CHD9: variants seen among roughly 807,000 people sequenced by gnomAD.
CHD9 encodes the protein ATP-dependent chromatin remodeler CHD9.
CHD9 carries 77 observed loss-of-function variants against 316.1 expected under a neutral mutation model. The observed-to-expected ratio is 0.24, with a 90% CI of 0.20 to 0.29. The LOEUF (loss-of-function observed/expected upper bound fraction) is 0.29, where lower values mean the gene tolerates loss of function less well. CHD9 is among the 10% of genes least tolerant of loss of function. CHD9 has a pLI of 1.00. For synonymous variants in CHD9, 1,129 were observed against 1,158.3 expected, an observed-to-expected ratio of 0.97 and a Z score of 0.51; for missense variants, 2,763 against 3,438.1, an observed-to-expected ratio of 0.80 and a Z score of 4.91.
At chr16:53,312,225 T>C (rs2056527672) in intron 34 of CHD9, among the ~76,000 whole-genome samples, 1 of 152,208 alleles carries the variant, frequency 6.6e-6, no homozygotes, top group South Asian at 2.1e-4. Flanking sequence ...GCACTAAAGG[T>C]AAAGTAAAAG....
intron 1 of CHD9, among the ~76,000 whole-genome samples, chr16:53,146,713 C>T (rs1314607379): frequency 6.7e-6 from 1 of 150,132 alleles, no homozygotes; most frequent in East Asian, 2.0e-4. Flanking sequence ...GCACGAGAAT[C>T]TCTTGAGCCT....
chr16:53,177,256 G>A (rs917361436), intron 2 of CHD9, among the ~76,000 whole-genome samples: 6 of 152,040 alleles, frequency 3.9e-5, no homozygotes, highest in Admixed American at 2.0e-4. Context: ...GCGCCTGGCC[G>A]ACACCTTAAT....
chr16:53,145,273 T>C (rs1185345355), intron 1 of CHD9, among the ~76,000 whole-genome samples: 1 of 151,630 alleles, frequency 6.6e-6, no homozygotes, highest in Non-Finnish European at 1.5e-5. Context: ...TGACTCAGCC[T>C]CCCAAATAGC....
chr16:53,268,102 A>G lies in CHD9; in HGVS notation c.4693A>G (p.Thr1565Ala). The G allele has an allele frequency of 5.0e-6, 8 of 1,610,424 alleles. No homozygotes were observed. In the Admixed American group the frequency reaches 1.3e-4, roughly 27 times the overall value. The change falls in exon 22 of 39, where the codon ACA becomes GCA. Residue 1565 changes from threonine (T) to alanine (A), a missense_variant. Physicochemically the swap from Thr to Ala is moderately conservative, Grantham distance 58. This residue lies in a region of CHD9 where 99 missense variants were observed against 131.6 expected (regional missense o/e 0.75). Coordinates refer to ENST00000447540, the MANE Select transcript of CHD9 (RefSeq NM_001308319.2). ...CATTACTCCAACTGAAGATGGACAG[A>G]CACGAGAGCTACAGAATCATCTAGG... The part of the protein sequence containing the change: ...DLITPTEDGQ[T>A]RELQNHLGLS...
intron 32 of CHD9, among the ~76,000 whole-genome samples, chr16:53,307,186 A>G (rs971112104): frequency 2.0e-5 from 3 of 152,178 alleles, no homozygotes; most frequent in African/African-American, 7.2e-5. Flanking sequence ...GTGTACGTCT[A>G]AGTTGTTTGA....
intron 22 of CHD9, among the ~76,000 whole-genome samples, chr16:53,268,858 A>G (rs1228929146): frequency 6.6e-6 from 1 of 152,212 alleles, no homozygotes; most frequent in Non-Finnish European, 1.5e-5. Flanking sequence ...GCTAGAGTAC[A>G]GTGATGCAAA....
intron 22 of CHD9, 72 bp from the exon 23 acceptor site, chr16:53,273,554 C>A: frequency 8.6e-7 from 1 of 1,163,154 alleles, no homozygotes; most frequent in African/African-American, 1.6e-5. Flanking sequence ...AAATTTCTTG[C>A]ATTGAAACAA....
intron 3 of CHD9, among the ~76,000 whole-genome samples, chr16:53,220,813 C>A (rs550002462): frequency 6.6e-6 from 1 of 152,282 alleles, no homozygotes; most frequent in African/African-American, 2.4e-5. Flanking sequence ...TCTGTGTATT[C>A]CTGTCATGCT....
intron 1 of CHD9, among the ~76,000 whole-genome samples, chr16:53,117,029 C>T (rs1247336788): frequency 2.0e-5 from 3 of 152,066 alleles, no homozygotes; most frequent in African/African-American, 7.2e-5. Flanking sequence ...ACAATGAGAA[C>T]ACATGGACAC....
intron 1 of CHD9, among the ~76,000 whole-genome samples, chr16:53,109,846 G>A (rs1331767029): frequency 1.3e-5 from 2 of 151,218 alleles, no homozygotes; most frequent in East Asian, 2.0e-4. Flanking sequence ...CACCACGCCC[G>A]GCTAATTTTT....
intron 33 of CHD9, among the ~76,000 whole-genome samples, chr16:53,308,168 T>C (rs1261545741): frequency 6.6e-6 from 1 of 152,228 alleles, no homozygotes; most frequent in Non-Finnish European, 1.5e-5. Context: ...CTTCTGAAAA[T>C]AGTTCTAATC....
chr16:53,159,753 G>A (rs955001825), intron 2 of CHD9, among the ~76,000 whole-genome samples: 9 of 152,104 alleles, frequency 5.9e-5, no homozygotes, highest in Admixed American at 1.3e-4. Flanking sequence ...GGGATTATAG[G>A]TGTGTGCCAC....
In CHD9 at chr16:53,242,938, A is replaced by T; in HGVS notation, c.2976A>T (p.Arg992=). Residue 992 remains arginine (R), a synonymous_variant, in exon 13 of 39, where the codon CGA becomes CGT. Transcript: ENST00000447540. ...GCGELNAIEW[R]CVIIDEAHRL... is the part of the protein sequence containing the mutation. ...GAGAGCTTAATGCAATTGAATGGCG[A>T]TGTGTGATTATTGATGAAGCACATA... 3 of 1,613,196 alleles carry T rather than the reference A, an allele frequency of 1.9e-6. No homozygotes were observed. Among genetic ancestry groups the T allele is most frequent in the Non-Finnish European group, 2.5e-6 (3 of 1,179,284 alleles).
chr16:53,292,705 A>G lies in CHD9; in HGVS notation c.5291-128A>G. 5.7e-6 allele frequency: 4 copies of G among 703,076 alleles called. No individual in the cohort carries two copies. In the South Asian group the frequency reaches 7.6e-5, roughly 13 times the overall value. 43.6% of individuals were successfully genotyped at this position (703,076 alleles called of 1,614,324 possible). A position where few individuals can be genotyped will look rare whatever the true frequency, so the allele number is the denominator to read the frequency against. ...ATAGCTATTGTTAAAAGAAGCTTTT[A>G]GGATGAGAAATATGTTTTTTTTTCC... On this transcript the variant is annotated intron_variant, in intron 28 of 38. Coordinates refer to ENST00000447540, the MANE Select transcript of CHD9 (RefSeq NM_001308319.2).
chr16:53,140,183 GTGGTGGCTT>G (rs889083242), intron 1 of CHD9, among the ~76,000 whole-genome samples: 13 of 151,452 alleles, frequency 8.6e-5, no homozygotes, highest in South Asian at 2.1e-4. Flanking sequence ...TAGGCCGGGA[GTGGTGGCTT>G]ATGTCTATAA....
At chr16:53,300,898 C>G (rs1261978633) in intron 30 of CHD9, among the ~76,000 whole-genome samples, 1 of 152,194 alleles carries the variant, frequency 6.6e-6, no homozygotes, top group Non-Finnish European at 1.5e-5. Flanking sequence ...CATGGTGAAA[C>G]CTTGTCTATA....
chr16:53,245,504 C>T lies in CHD9; in HGVS notation c.3198+25C>T. Reference sequence around the variant, plus strand: ...GGTATCCTATTGCTCTTTGTAAATACATTCATCGCATTTCTAATCATTGTA... The same window carrying T: ...GGTATCCTATTGCTCTTTGTAAATATATTCATCGCATTTCTAATCATTGTA... On this transcript the variant is annotated intron_variant, in intron 14 of 38. Coordinates refer to ENST00000447540, the MANE Select transcript of CHD9 (RefSeq NM_001308319.2). This position sits in a 1 kb window ranked among gnomAD's most constrained non-coding sequence, Gnocchi z 4.1. 6.4e-7 allele frequency: 1 copy of T among 1,556,100 alleles called. No individual in the cohort carries two copies. Among genetic ancestry groups the T allele is most frequent in the Non-Finnish European group, 8.7e-7 (1 of 1,155,206 alleles).
At chr16:53,135,740 A>G (rs2039666910) in intron 1 of CHD9, among the ~76,000 whole-genome samples, 1 of 152,190 alleles carries the variant, frequency 6.6e-6, no homozygotes, top group Non-Finnish European at 1.5e-5. Context: ...GAAGTGTGAT[A>G]CCATACAATG....
chr16:53,079,241 G>C (rs2034809292), intron 1 of CHD9, among the ~76,000 whole-genome samples: 1 of 152,182 alleles, frequency 6.6e-6, no homozygotes, highest in South Asian at 2.1e-4. Flanking sequence ...TGGGCTCCCA[G>C]ATTGCTTTCT....
Sources: gnomAD v4.1 joint callset for allele counts (sites outside exome capture counted in the v4.1 genomes callset) on GRCh38, gnomAD v4.1.1 for gene constraint, gnomAD v4.1.1 regional missense constraint, Gnocchi (gnomAD v3.1) non-coding constraint, MANE v1.5 for transcripts, NCBI Gene and HGNC (gene_info 2026-07-23, HGNC 2026-07-21) for gene names.